PCDH7: variants seen among roughly 807,000 people sequenced by gnomAD.
PCDH7 encodes protocadherin-7.
A neutral mutation model predicts 58.9 loss-of-function variants in PCDH7; 17 were observed. The observed-to-expected ratio is 0.29, with a 90% CI of 0.20 to 0.43. PCDH7 has a LOEUF of 0.43. Among genes scored for constraint, PCDH7 ranks in the 20% least tolerant of loss-of-function variants. The pLI is 1.00. For missense variants in PCDH7, 1,274 were observed against 1,441.0 expected (o/e 0.88, Z 1.88); for synonymous variants, 664 against 616.4 (o/e 1.08, Z -1.14).
downstream of PCDH7, chr4:31,143,748 A>G (rs1720497595): frequency 6.6e-6 from 1 of 152,212 alleles, no homozygotes; most frequent in African/African-American, 2.4e-5. Flanking sequence ...TTGACGTGGA[A>G]AACCATTAAA....
chr4:31,037,430 T>C (rs554185926), intron 3 of PCDH7, among the ~76,000 whole-genome samples: 230 of 152,338 alleles, frequency 1.5e-3, no homozygotes, highest in Non-Finnish European at 2.8e-3. Context: ...GGAGCTCTCC[T>C]GGAAGGGGAT....
intron 2 of PCDH7, among the ~76,000 whole-genome samples, chr4:30,925,365 CT>C (rs1409538320): frequency 1.3e-5 from 2 of 152,282 alleles, no homozygotes; most frequent in East Asian, 3.9e-4. Context: ...AAGCAGGCAT[CT>C]GTCAGGCAAA....
At chr4:31,076,909 A>G (rs1759043612) in intron 3 of PCDH7, among the ~76,000 whole-genome samples, 1 of 152,284 alleles carries the variant, frequency 6.6e-6, no homozygotes, top group Middle Eastern at 3.4e-3. Context: ...TCCTCATGCA[A>G]TCTTATATTT....
chr4:30,768,527 C>A (rs998035387), intron 1 of PCDH7, among the ~76,000 whole-genome samples: 1 of 152,124 alleles, frequency 6.6e-6, no homozygotes, highest in African/African-American at 2.4e-5. Flanking sequence ...CTGAGATTAA[C>A]CCCCTGTGAT....
chr4:31,047,051 T>G, intron 3 of PCDH7, among the ~76,000 whole-genome samples: 1 of 152,094 alleles, frequency 6.6e-6, no homozygotes, highest in East Asian at 1.9e-4. Context: ...AGTAGTTAAG[T>G]TTTAATATTC....
intron 3 of PCDH7, among the ~76,000 whole-genome samples, chr4:31,047,858 A>T (rs1756408841): frequency 6.6e-6 from 1 of 152,086 alleles, no homozygotes; most frequent in Non-Finnish European, 1.5e-5. Context: ...AGATTTAAAA[A>T]GTGATAAGTT....
rs533814228 is a variant in PCDH7 at position 31,018,899 on chromosome 4, C to T, written c.*7+68684C>T. Among the ~76,000 whole-genome samples the T allele has an allele frequency of 1.1e-4, 16 of 152,222 alleles. No individual in the cohort carries two copies. In the South Asian group the frequency reaches 1.9e-3, roughly 18 times the overall value. ...GGGAAATGAAATATCTCTAGCCTTGCTTTTTCACCACATAACTAGCAAAAG... is the reference window on the plus strand; with the variant it reads ...GGGAAATGAAATATCTCTAGCCTTGTTTTTTCACCACATAACTAGCAAAAG... On this transcript the variant is annotated intron_variant, in intron 3 of 3. Transcript: ENST00000509759.
chr4:31,125,402 G>A lies in PCDH7; in HGVS notation c.*8-17071G>A, dbSNP rs150863128. Among the ~76,000 whole-genome samples, 355 of 152,240 alleles carry A rather than the reference G, an allele frequency of 2.3e-3. 1 individual carries two copies. The highest frequency in any genetic ancestry group is 8.0e-3 in the African/African-American group (331 of 41,540). On this transcript the variant is annotated intron_variant, in intron 3 of 3. Transcript: ENST00000509759. ...ACATCCAGAGATGCTACTTTTCACAGCTTTCTTCTTCCACATATAGAGGAG... is the reference window on the plus strand; with the variant it reads ...ACATCCAGAGATGCTACTTTTCACAACTTTCTTCTTCCACATATAGAGGAG...
At chr4:30,841,003 A>G (rs76609172) in intron 1 of PCDH7, among the ~76,000 whole-genome samples, 5,724 of 152,172 alleles carry the variant, frequency 0.038, 345 homozygotes, top group African/African-American at 0.13. Context: ...AGCATTTTAA[A>G]TGACAACTAA....
intron 1 of PCDH7, among the ~76,000 whole-genome samples, chr4:30,877,538 C>A (rs966777127): frequency 6.6e-6 from 1 of 152,082 alleles, no homozygotes; most frequent in Admixed American, 6.6e-5. Flanking sequence ...GGCAGCAGGC[C>A]CATGGTCTAG....
At chr4:30,825,933 A>C (rs960282939) in intron 1 of PCDH7, among the ~76,000 whole-genome samples, 2 of 152,144 alleles carry the variant, frequency 1.3e-5, no homozygotes, top group Admixed American at 6.6e-5. Context: ...CATATTCTTT[A>C]AATTTGGCTT....
chr4:30,839,508 C>T (rs1730943684), intron 1 of PCDH7, among the ~76,000 whole-genome samples: 1 of 152,088 alleles, frequency 6.6e-6, no homozygotes, highest in Non-Finnish European at 1.5e-5. Context: ...ATCCTAGGCC[C>T]ATCCTTATGG....
At chr4:30,956,227 C>CAAA (rs201836402) in intron 3 of PCDH7, among the ~76,000 whole-genome samples, 7 of 117,384 alleles carry the variant, frequency 6.0e-5, no homozygotes, top group Admixed American at 1.8e-4. Flanking sequence ...GACTGCATCT[C>CAAA]AAAAAAAAAA....
At chr4:30,740,533 G>A (rs1259337290) in intron 1 of PCDH7, among the ~76,000 whole-genome samples, 3 of 151,806 alleles carry the variant, frequency 2.0e-5, no homozygotes, top group African/African-American at 7.3e-5. Context: ...GTACAGGTAG[G>A]AAAAAATAAT....
downstream of PCDH7, among the ~76,000 whole-genome samples, chr4:30,734,222 T>G (rs1342883964): frequency 2.6e-5 from 4 of 150,958 alleles, no homozygotes; most frequent in African/African-American, 9.8e-5. Context: ...TTAGAAAATG[T>G]ATTAATTTTC....
chr4:30,742,679 G>T (rs929885379), intron 1 of PCDH7, among the ~76,000 whole-genome samples: 3 of 152,114 alleles, frequency 2.0e-5, no homozygotes, highest in African/African-American at 7.2e-5. Flanking sequence ...GTTCAGAGTT[G>T]ACAGGTGTGA....
At chr4:30,792,087 A>C (rs1279522380) in intron 1 of PCDH7, among the ~76,000 whole-genome samples, 1 of 152,228 alleles carries the variant, frequency 6.6e-6, no homozygotes, top group East Asian at 1.9e-4. Context: ...ATTTCAGTGT[A>C]TGAACAGAAA....
chr4:30,920,238 T>C, exon 2 of PCDH7: 1 of 1,367,740 alleles, frequency 7.3e-7, no homozygotes, highest in Non-Finnish European at 9.8e-7. Flanking sequence ...GACAGCGGGC[T>C]GGAGGAGTCA....
intron 2 of PCDH7, among the ~76,000 whole-genome samples, chr4:30,938,972 T>A (rs1311231354): frequency 6.6e-6 from 1 of 152,148 alleles, no homozygotes; most frequent in Non-Finnish European, 1.5e-5. Flanking sequence ...AATATACAAA[T>A]ATATTTTAGA....
Sources: allele counts gnomAD v4.1 joint callset (sites outside exome capture counted in the v4.1 genomes callset), GRCh38; gene constraint gnomAD v4.1.1; transcripts MANE v1.5; gene names NCBI Gene and HGNC (gene_info 2026-07-23, HGNC 2026-07-21).